LDHB: variants seen among roughly 807,000 people sequenced by gnomAD.
LDHB encodes lactate dehydrogenase B.
A neutral mutation model predicts 33.4 loss-of-function variants in LDHB; 18 were observed. That is an observed-to-expected ratio of 0.54 (90% CI 0.37 to 0.80). The LOEUF is 0.80. Among genes scored for constraint, LDHB ranks in the 30% least tolerant of loss-of-function variants. The probability of loss-of-function intolerance (pLI) is 0.00; values close to 1 mark genes in which losing one functional copy is unlikely to be tolerated. For missense variants in LDHB, 345 were observed against 407.9 expected (o/e 0.85, Z 1.33); for synonymous variants, 121 against 140.6 (o/e 0.86, Z 0.98).
chr12:21,648,690 A>G (rs1938597514), intron 2 of LDHB, among the ~76,000 whole-genome samples: 2 of 152,214 alleles, frequency 1.3e-5, no homozygotes, highest in African/African-American at 4.8e-5. Flanking sequence ...TGACCTACTC[A>G]GCTTGTTAGA....
rs1442877915 is a variant in LDHB at position 21,637,173 on chromosome 12, T to C, written c.735A>G (p.Leu245=). The change falls in exon 7 of 8, where the codon CTA becomes CTG. Residue 245 remains leucine (L), a synonymous_variant. Coordinates refer to ENST00000350669, the MANE Select transcript of LDHB (RefSeq NM_002300.8). ...VVESAYEVIK[L]KGYTNWAIGL... ...CAATAGCCCAGTTGGTATATCCTTT[T>C]AGCTTGATGACTTCATAGGCACTTA... The C allele has an allele frequency of 1.2e-6, 2 of 1,602,150 alleles. No individual in the cohort carries two copies. Among genetic ancestry groups the C allele is most frequent in the African/African-American group, 2.7e-5 (2 of 74,652 alleles).
At chr12:21,653,104 C>T (rs1474494168) in intron 2 of LDHB, among the ~76,000 whole-genome samples, 2 of 152,114 alleles carry the variant, frequency 1.3e-5, no homozygotes, top group African/African-American at 4.8e-5. Flanking sequence ...AAGAAAAGGG[C>T]TTCTTTCCTC....
chr12:21,650,079 G>A (rs1281976053), intron 2 of LDHB, among the ~76,000 whole-genome samples: 2 of 121,330 alleles, frequency 1.6e-5, no homozygotes, highest in East Asian at 2.5e-4. Context: ...GTGACAGTAA[G>A]ACTCTCTCTC....
At chr12:21,636,788 A>C (rs1057170013) in intron 7 of LDHB, among the ~76,000 whole-genome samples, 10 of 152,120 alleles carry the variant, frequency 6.6e-5, no homozygotes, top group African/African-American at 2.2e-4. Flanking sequence ...ACACTTATTC[A>C]AATGATCAAT....
At position 21,654,625 on chromosome 12, in the gene LDHB, T is replaced by A; in HGVS notation, c.47A>T (p.Glu16Val). The A allele has an allele frequency of 6.2e-7, 1 of 1,613,960 alleles. No individual in the cohort carries two copies. Among genetic ancestry groups the A allele is most frequent in the Non-Finnish European group, 8.5e-7 (1 of 1,179,804 alleles). ...EKLIAPVAEE[E>V]ATVPNNKITV... ...GATCTTATTGTTTGGAACTGTTGCCTCTTCTTCCGCAACTGGTGCAATGAG... is the reference window on the plus strand; with the variant it reads ...GATCTTATTGTTTGGAACTGTTGCCACTTCTTCCGCAACTGGTGCAATGAG... Residue 16 changes from glutamate (E) to valine (V), a missense_variant, in exon 2 of 8, where the codon GAG (glutamate) becomes GTG (valine). Transcript: ENST00000350669.
At chr12:21,648,912 G>T (rs1488018890) in intron 2 of LDHB, among the ~76,000 whole-genome samples, 6 of 152,158 alleles carry the variant, frequency 3.9e-5, no homozygotes, top group Admixed American at 2.6e-4. Flanking sequence ...GTGAGTTGGG[G>T]ATCACGTACA....
intron 1 of LDHB, among the ~76,000 whole-genome samples, chr12:21,655,417 A>G (rs1422366964): frequency 6.6e-6 from 1 of 152,258 alleles, no homozygotes; most frequent in African/African-American, 2.4e-5. Flanking sequence ...TTATGAACAT[A>G]ATTTCTACTA....
chr12:21,651,749 G>A (rs1337413086), intron 2 of LDHB, among the ~76,000 whole-genome samples: 1 of 152,158 alleles, frequency 6.6e-6, no homozygotes, highest in African/African-American at 2.4e-5. Context: ...TCTTTACCAT[G>A]TATTAACATA....
intron 7 of LDHB, 124 bp from the exon 8 acceptor site, chr12:21,635,833 A>T: frequency 1.3e-6 from 1 of 797,402 alleles, no homozygotes; most frequent in Non-Finnish European, 2.1e-6. Context: ...GAGCTATGAC[A>T]GCGGTACTAC....
At chr12:21,643,903 A>C in intron 4 of LDHB, 32 bp downstream of exon 4, 1 of 1,513,088 alleles carries the variant, frequency 6.6e-7, no homozygotes, top group Non-Finnish European at 9.2e-7. Flanking sequence ...ACTGAACTTA[A>C]CAGAACAGAG....
chr12:21,644,424 C>CAAAAAAAAAAAAAACAAAA (rs1938459058), intron 3 of LDHB, among the ~76,000 whole-genome samples: 1 of 15,276 alleles, frequency 6.5e-5, no homozygotes, highest in East Asian at 2.6e-3. Context: ...AGGTAGACAT[C>CAAAAAAAAAAAAAACAAAA]AAAAAAAAAA....
intron 2 of LDHB, among the ~76,000 whole-genome samples, chr12:21,650,408 C>CT (rs1938653691): frequency 6.6e-6 from 1 of 152,192 alleles, no homozygotes. Context: ...GCAAAAACTA[C>CT]TTTGCAATTT....
At chr12:21,654,194 T>G (rs2136983735) in intron 2 of LDHB, among the ~76,000 whole-genome samples, 1 of 152,328 alleles carries the variant, frequency 6.6e-6, no homozygotes. Context: ...TGAAGAGACG[T>G]AAGTATATGA....
At chr12:21,657,015 C>A (rs1055313217) in intron 1 of LDHB, 2 of 151,858 alleles carry the variant, frequency 1.3e-5, no homozygotes, top group African/African-American at 4.8e-5. Context: ...GCGGTGCGCA[C>A]AAACCATCTT....
chr12:21,650,128 ACACACACACACACACACACACACG>A (rs1248836157), intron 2 of LDHB, among the ~76,000 whole-genome samples: 2 of 148,472 alleles, frequency 1.3e-5, no homozygotes, highest in African/African-American at 5.1e-5. Flanking sequence ...ACACACACAC[ACACACACACACACACACACACACG>A]TCTCTCTCTC....
At chr12:21,655,650 T>C (rs963775246) in intron 1 of LDHB, among the ~76,000 whole-genome samples, 1 of 152,168 alleles carries the variant, frequency 6.6e-6, no homozygotes, top group Non-Finnish European at 1.5e-5. Flanking sequence ...TACATTGTCG[T>C]TTCAGGGGAT....
intron 6 of LDHB, among the ~76,000 whole-genome samples, chr12:21,638,098 T>C (rs545112491): frequency 6.6e-6 from 1 of 152,140 alleles, no homozygotes; most frequent in Admixed American, 6.6e-5. Flanking sequence ...TTGAAGACTC[T>C]TCTCACTTGT....
chr12:21,653,649 T>C (rs538810664), intron 2 of LDHB, among the ~76,000 whole-genome samples: 137 of 105,176 alleles, frequency 1.3e-3, no homozygotes, highest in South Asian at 4.0e-3. Flanking sequence ...TACACATATA[T>C]ATATATACAC....
chr12:21,641,861 A>G, intron 5 of LDHB, 91 bp downstream of exon 5: 1 of 1,140,148 alleles, frequency 8.8e-7, no homozygotes, highest in Non-Finnish European at 1.3e-6. Context: ...AAGTACATCA[A>G]AGTCTATAAA....
Sources: gnomAD v4.1 joint callset for allele counts (sites outside exome capture counted in the v4.1 genomes callset) on GRCh38, gnomAD v4.1.1 for gene constraint, MANE v1.5 for transcripts, NCBI Gene and HGNC (gene_info 2026-07-23, HGNC 2026-07-21) for gene names.